Variants in KSR2 observed in about 807,000 individuals in gnomAD.
KSR2 encodes the protein kinase suppressor of ras 2.
KSR2 carries 25 observed loss-of-function variants against 107.8 expected under a neutral mutation model. The ratio of observed to expected loss-of-function variants is 0.23; its 90% CI spans 0.17 to 0.32. The LOEUF (loss-of-function observed/expected upper bound fraction) is 0.32. KSR2 is among the 10% of genes least tolerant of loss of function. The pLI, the probability that KSR2 is intolerant of heterozygous loss-of-function variation, is 1.00. For synonymous variants in KSR2, 480 were observed against 507.0 expected (o/e 0.95, Z 0.71); for missense variants, 887 against 1,268.9 (o/e 0.70, Z 4.57).
rs962143323 is a variant in KSR2 at position 117,461,903 on chromosome 12, G to A, written c.*5296C>T. The A allele has an allele frequency of 9.9e-5, 15 of 152,252 alleles. No homozygotes were observed. Among genetic ancestry groups the A allele is most frequent in the African/African-American group, 3.4e-4 (14 of 41,452 alleles). The allele number at this position is 152,252 out of a possible 1,614,324, so 9.4% of individuals were successfully genotyped here. ...AATCCACTCCTTTGTCAATGAACAA[G>A]AGTATAGATAAAATCAGATGCTGTG... On this transcript the variant is annotated 3_prime_UTR_variant, in exon 20 of 20. Transcript: ENST00000339824.
intron 1 of KSR2, among the ~76,000 whole-genome samples, chr12:117,936,116 A>T (rs1260676961): frequency 1.3e-5 from 2 of 151,694 alleles, no homozygotes; most frequent in African/African-American, 4.9e-5. Flanking sequence ...AGCTCACTGC[A>T]ACTCTGCCTC....
In KSR2 at chr12:117,892,039, C is replaced by A. The variant is rs142155660; in HGVS notation, c.181-31608G>T. 3.8e-3 allele frequency among the ~76,000 whole-genome samples: 546 copies of A among 144,516 alleles called. 2 individuals are homozygous for A. The highest frequency in any genetic ancestry group is 0.013 in the African/African-American group (491 of 38,308). The allele number at this position is 144,516 out of a possible 152,430, so 94.8% of individuals were successfully genotyped here. A position where few individuals can be genotyped will look rare whatever the true frequency, so the allele number is the denominator to read the frequency against. ...AACGGCCCAGTGCGGTGGCTGACGCCTGTAATCTTAGCACTTTGGGAGGCC... is the reference window on the plus strand; with the variant it reads ...AACGGCCCAGTGCGGTGGCTGACGCATGTAATCTTAGCACTTTGGGAGGCC... On this transcript the variant is annotated intron_variant, in intron 1 of 19. Transcript: ENST00000339824.
chr12:117,875,271 C>G (rs1289853621), intron 1 of KSR2, among the ~76,000 whole-genome samples: 1 of 151,806 alleles, frequency 6.6e-6, no homozygotes, highest in East Asian at 1.9e-4. Flanking sequence ...AACCCAGAGA[C>G]CTCCGGGAAC....
At chr12:117,690,914 G>T (rs1885785792) in intron 4 of KSR2, among the ~76,000 whole-genome samples, 1 of 152,272 alleles carries the variant, frequency 6.6e-6, no homozygotes, top group East Asian at 1.9e-4. Flanking sequence ...GCTGGTCTGT[G>T]GTCCTGCAGG....
At chr12:117,658,053 G>C (rs1029177395) in intron 5 of KSR2, among the ~76,000 whole-genome samples, 1 of 152,228 alleles carries the variant, frequency 6.6e-6, no homozygotes, top group East Asian at 1.9e-4. Context: ...TGATAATAAT[G>C]AGCGTGTGTC....
At chr12:117,675,329 T>C (rs1003514861) in intron 4 of KSR2, among the ~76,000 whole-genome samples, 1 of 152,170 alleles carries the variant, frequency 6.6e-6, no homozygotes, top group Non-Finnish European at 1.5e-5. Flanking sequence ...CTATGTGACA[T>C]CTTCTATTTG....
chr12:117,851,888 TAA>T (rs569745181), intron 3 of KSR2, among the ~76,000 whole-genome samples: 10 of 134,602 alleles, frequency 7.4e-5, no homozygotes, highest in Non-Finnish European at 4.8e-5. Flanking sequence ...GACTCCATCT[TAA>T]AAAAAAAAAA....
At chr12:117,782,414 C>T (rs1353274634) in intron 3 of KSR2, among the ~76,000 whole-genome samples, 1 of 152,142 alleles carries the variant, frequency 6.6e-6, no homozygotes, top group Non-Finnish European at 1.5e-5. Context: ...TAGGCGTGCA[C>T]CACTACACTT....
intron 17 of KSR2, among the ~76,000 whole-genome samples, chr12:117,472,443 T>A (rs1871520544): frequency 6.6e-6 from 1 of 152,108 alleles, no homozygotes. Flanking sequence ...TGGGGACAGA[T>A]CTCAGCGCTT....
At chr12:117,580,243 A>C (rs1367102993) in intron 6 of KSR2, among the ~76,000 whole-genome samples, 1 of 152,224 alleles carries the variant, frequency 6.6e-6, no homozygotes, top group Non-Finnish European at 1.5e-5. Context: ...GCAAATAGCA[A>C]CATTCTGAGC....
chr12:117,878,175 C>T (rs774246744), intron 1 of KSR2, among the ~76,000 whole-genome samples: 27 of 139,180 alleles, frequency 1.9e-4, no homozygotes, highest in Non-Finnish European at 3.3e-4. Flanking sequence ...TTCAGGCAAA[C>T]TTAACCTGCA....
intron 4 of KSR2, among the ~76,000 whole-genome samples, chr12:117,737,826 T>C (rs551834934): frequency 1.4e-5 from 2 of 144,632 alleles, no homozygotes; most frequent in East Asian, 2.1e-4. Flanking sequence ...TAAAGCCTCA[T>C]CTTAAGCAAC....
chr12:117,932,577 C>T (rs1380980229), intron 1 of KSR2, among the ~76,000 whole-genome samples: 1 of 152,072 alleles, frequency 6.6e-6, no homozygotes, highest in Non-Finnish European at 1.5e-5. Context: ...AAAGTAGTAG[C>T]CAGGTGTGGT....
chr12:117,792,554 G>A (rs1337490181), intron 3 of KSR2, among the ~76,000 whole-genome samples: 2 of 152,190 alleles, frequency 1.3e-5, no homozygotes, highest in African/African-American at 2.4e-5. Flanking sequence ...CACTGTGCCA[G>A]GCACAGAGTA....
Position 117,943,626 on chromosome 12 carries a change from G to A in KSR2, c.180+24450C>T, listed in dbSNP as rs188683394. On this transcript the variant is annotated intron_variant, in intron 1 of 19. Coordinates refer to ENST00000339824, the MANE Select transcript of KSR2 (RefSeq NM_173598.6). The stretch of plus-strand genomic sequence containing the variant: ...ACAAAATGGGCAGATACATACAATG[G>A]AATATTATTCAGTCATAAAAAAATG... Among the ~76,000 whole-genome samples the A allele has an allele frequency of 5.9e-5, 9 of 151,340 alleles. No individual in the cohort carries two copies. The East Asian group carries it at 1.8e-3, about 29-fold the overall frequency.
chr12:117,648,332 C>T (rs1435382273), intron 5 of KSR2, among the ~76,000 whole-genome samples: 4 of 152,076 alleles, frequency 2.6e-5, no homozygotes, highest in African/African-American at 9.7e-5. Flanking sequence ...CTCCTGTTTG[C>T]CACAATCTTC....
At chr12:117,701,236 G>C (rs1231900944) in intron 4 of KSR2, among the ~76,000 whole-genome samples, 1 of 152,128 alleles carries the variant, frequency 6.6e-6, no homozygotes, top group African/African-American at 2.4e-5. Context: ...GAGACTATGG[G>C]CATGCACCAC....
rs765519095 is a variant in KSR2 at position 117,529,308 on chromosome 12, TG to T, written c.1802+1632del. ...CCCACCTCACTGAACCTCCACCTCC[TG>T]GGTTCAAGCAATTCTCCTGCCTCAG... On this transcript the variant is annotated intron_variant, in intron 12 of 19. Coordinates refer to ENST00000339824, the MANE Select transcript of KSR2 (RefSeq NM_173598.6). 3.3e-5 allele frequency among the ~76,000 whole-genome samples: 5 copies of T among 152,296 alleles called. No homozygotes were observed. In the South Asian group the frequency reaches 1.0e-3, roughly 32 times the overall value.
chr12:117,728,079 T>C (rs1887510384), intron 4 of KSR2, among the ~76,000 whole-genome samples: 1 of 152,182 alleles, frequency 6.6e-6, no homozygotes, highest in Non-Finnish European at 1.5e-5. Flanking sequence ...GAGAAGGACA[T>C]GAGAGAACTT....
Sources: allele counts gnomAD v4.1 joint callset (sites outside exome capture counted in the v4.1 genomes callset), GRCh38; gene constraint gnomAD v4.1.1; transcripts MANE v1.5; gene names NCBI Gene and HGNC (gene_info 2026-07-23, HGNC 2026-07-21).